NEDD4L: variants seen among roughly 807,000 people sequenced by gnomAD.
The protein encoded by NEDD4L is NEDD4 like E3 ubiquitin protein ligase, also known as E3 ubiquitin-protein ligase NEDD4-like.
In NEDD4L, 54 loss-of-function variants were observed where a neutral mutation model predicts 148.9. The observed-to-expected ratio is 0.36, with a 90% confidence interval of 0.29 to 0.45. NEDD4L has a LOEUF of 0.45. NEDD4L is among the 20% of genes least tolerant of loss of function. The pLI, the probability that NEDD4L is intolerant of heterozygous loss-of-function variation, is 1.00. For synonymous variants in NEDD4L, 433 were observed against 440.7 expected, an observed-to-expected ratio of 0.98 and a Z score of 0.22; for missense variants, 856 against 1,233.8, an observed-to-expected ratio of 0.69 and a Z score of 4.59.
At position 58,307,853 on chromosome 18, in the gene NEDD4L, A is replaced by G. The variant is rs180707755; in HGVS notation, c.298-8129A>G. On this transcript the variant is annotated intron_variant, in intron 5 of 30. Transcript: ENST00000400345. ...GGTTACCAAGAGTGTCTGTCATTCAATATTTCAGATTAAGATCTGTTCTTT... is the reference window on the plus strand; with the variant it reads ...GGTTACCAAGAGTGTCTGTCATTCAGTATTTCAGATTAAGATCTGTTCTTT... Among the ~76,000 whole-genome samples the G allele has an allele frequency of 2.7e-4, 41 of 152,306 alleles. No homozygotes were observed. In the East Asian group the frequency reaches 7.1e-3, roughly 26 times the overall value.
At chr18:58,252,207 C>G (rs1315100986) in intron 5 of NEDD4L, among the ~76,000 whole-genome samples, 153 bp downstream of exon 5, 2 of 152,176 alleles carry the variant, frequency 1.3e-5, no homozygotes, top group African/African-American at 4.8e-5. Context: ...GTTTGATGTT[C>G]AAAATCCTAA....
At chr18:58,110,333 G>C (rs2145649547) in intron 1 of NEDD4L, among the ~76,000 whole-genome samples, 1 of 152,340 alleles carries the variant, frequency 6.6e-6, no homozygotes, top group South Asian at 2.1e-4. Context: ...AATAGAGCTT[G>C]CAATTTTGTA....
intron 1 of NEDD4L, among the ~76,000 whole-genome samples, chr18:58,069,398 A>C (rs2082760697): frequency 6.6e-6 from 1 of 152,202 alleles, no homozygotes; most frequent in Non-Finnish European, 1.5e-5. Context: ...AGCCAGTAGA[A>C]ATTTAGTAAT....
intron 1 of NEDD4L, among the ~76,000 whole-genome samples, chr18:58,127,915 C>T (rs1474112410): frequency 5.3e-5 from 8 of 151,666 alleles, no homozygotes; most frequent in African/African-American, 1.7e-4. Context: ...CCTGCTTTGT[C>T]ACCGAGGCTG....
rs4149607 is a variant in NEDD4L, at chr18:58,329,340, T to C, written c.813+213T>C. On this transcript the variant is annotated intron_variant, in intron 10 of 30. Coordinates refer to ENST00000400345, the MANE Select transcript of NEDD4L (RefSeq NM_001144967.3). ...TATAGGTGGCTCTATATTATAGAAA[T>C]GGGAATAACATTATTTTTATTTTTA... 0.5 allele frequency among the ~76,000 whole-genome samples: 76,497 copies of C among 152,040 alleles called. 19,553 individuals carry two copies. Among genetic ancestry groups the C allele is most frequent in the East Asian group, 0.66 (3,427 of 5,178 alleles).
intron 5 of NEDD4L, among the ~76,000 whole-genome samples, chr18:58,285,879 C>T (rs1384347713): frequency 1.3e-5 from 2 of 152,198 alleles, no homozygotes; most frequent in African/African-American, 4.8e-5. Flanking sequence ...CTTATTTAAA[C>T]AACATGTTCA....
chr18:58,355,425 G>A (rs1461585940), intron 18 of NEDD4L, among the ~76,000 whole-genome samples: 1 of 152,202 alleles, frequency 6.6e-6, no homozygotes, highest in South Asian at 2.1e-4. Flanking sequence ...GTACTTACGG[G>A]AAACCCAGAT....
intron 24 of NEDD4L, among the ~76,000 whole-genome samples, chr18:58,375,821 TA>T (rs1485526634): frequency 2.6e-5 from 4 of 152,136 alleles, no homozygotes; most frequent in Non-Finnish European, 2.9e-5. Flanking sequence ...AGGTGGTAAG[TA>T]ATAGAAATCC....
Position 58,330,596 on chromosome 18 carries a change from G to C in NEDD4L, c.814-142G>C, listed in dbSNP as rs541352401. The C allele has an allele frequency of 5.4e-5, 28 of 517,554 alleles. No individual in the cohort carries two copies. The East Asian group carries it at 7.9e-4, about 15-fold the overall frequency. The allele number at this position is 517,554 out of a possible 1,614,324, so 32.1% of individuals were successfully genotyped here. A position where few individuals can be genotyped will look rare whatever the true frequency, so the allele number is the denominator to read the frequency against. On this transcript the variant is annotated intron_variant, in intron 10 of 30. Coordinates refer to ENST00000400345, the MANE Select transcript of NEDD4L (RefSeq NM_001144967.3). ...TTATCTTCCTCGTGATTATTGTGAAGGTTGTGTGCCTCATGAGAGGCACTT... is the reference window on the plus strand; with the variant it reads ...TTATCTTCCTCGTGATTATTGTGAACGTTGTGTGCCTCATGAGAGGCACTT...
chr18:58,227,937 C>G, intron 2 of NEDD4L: 1 of 768,290 alleles, frequency 1.3e-6, no homozygotes, highest in Non-Finnish European at 1.6e-6. Context: ...ATCCAATTTA[C>G]CCCAAATTTG....
At chr18:58,073,372 C>G (rs1238749094) in intron 1 of NEDD4L, among the ~76,000 whole-genome samples, 1 of 152,178 alleles carries the variant, frequency 6.6e-6, no homozygotes, top group South Asian at 2.1e-4. Flanking sequence ...GTTATCAAGA[C>G]AGTGTGGTAC....
intron 2 of NEDD4L, among the ~76,000 whole-genome samples, chr18:58,211,846 G>A (rs762969692): frequency 6.6e-6 from 1 of 152,192 alleles, no homozygotes; most frequent in Non-Finnish European, 1.5e-5. Context: ...CATTAAGAGA[G>A]TGAATGTATA....
chr18:58,217,674 G>A (rs770715400), intron 2 of NEDD4L, among the ~76,000 whole-genome samples: 7 of 151,768 alleles, frequency 4.6e-5, no homozygotes, highest in East Asian at 1.9e-4. Flanking sequence ...TTTTTTTTCC[G>A]ACTGTAACAG....
intron 5 of NEDD4L, among the ~76,000 whole-genome samples, chr18:58,259,544 A>G (rs948676502): frequency 1.3e-4 from 20 of 152,210 alleles, no homozygotes; most frequent in Admixed American, 1.3e-3. Context: ...CATTTTGTGC[A>G]TAATAACTGT....
chr18:58,367,974 C>G, intron 22 of NEDD4L, 107 bp downstream of exon 22: 1 of 1,213,482 alleles, frequency 8.2e-7, no homozygotes. Flanking sequence ...CTGGTTTACT[C>G]ATAAAGTATT....
intron 1 of NEDD4L, among the ~76,000 whole-genome samples, chr18:58,087,237 C>T (rs1197569959): frequency 2.0e-5 from 3 of 152,184 alleles, no homozygotes; most frequent in African/African-American, 7.2e-5. Context: ...TTCCATCTCC[C>T]ACATTGTAGC....
chr18:58,127,057 C>G (rs1764424345), intron 1 of NEDD4L, among the ~76,000 whole-genome samples: 2 of 152,216 alleles, frequency 1.3e-5, no homozygotes, highest in South Asian at 4.1e-4. Context: ...TGGTCACCTT[C>G]TTCTCTGCTT....
At chr18:58,317,513 A>C (rs1442591257) in intron 6 of NEDD4L, among the ~76,000 whole-genome samples, 1 of 152,208 alleles carries the variant, frequency 6.6e-6, no homozygotes. Flanking sequence ...TCTGAGAGGC[A>C]AATATTCTAA....
At chr18:58,183,372 C>A (rs777288660) in intron 2 of NEDD4L, among the ~76,000 whole-genome samples, 15 of 152,252 alleles carry the variant, frequency 9.9e-5, no homozygotes, top group Non-Finnish European at 1.5e-4. Flanking sequence ...TGGCACAACA[C>A]AGGAGTAGAC....
Sources: gnomAD v4.1 joint callset for allele counts (sites outside exome capture counted in the v4.1 genomes callset) on GRCh38, gnomAD v4.1.1 for gene constraint, MANE v1.5 for transcripts, NCBI Gene and HGNC (gene_info 2026-07-23, HGNC 2026-07-21) for gene names.